The following GABRG3 variants were observed in gnomAD, a reference collection of about 807,000 sequenced individuals.
GABRG3 encodes gamma-aminobutyric acid receptor subunit gamma-3.
Under a neutral mutation model 48.8 loss-of-function variants are expected in GABRG3, and 25 were observed. The ratio of observed to expected loss-of-function variants is 0.51; its 90% CI spans 0.37 to 0.72. The LOEUF (loss-of-function observed/expected upper bound fraction) is 0.72. Ranked by LOEUF, GABRG3 falls within the 30% of genes least tolerant of loss-of-function variation. The pLI is 0.00. For synonymous variants in GABRG3, 227 were observed against 217.6 expected (o/e 1.04, Z -0.38); for missense variants, 394 against 577.9 (o/e 0.68, Z 3.26).
chr15:27,325,746 A>G (rs558706583), intron 3 of GABRG3, among the ~76,000 whole-genome samples: 12 of 152,312 alleles, frequency 7.9e-5, no homozygotes, highest in Non-Finnish European at 1.3e-4. Context: ...GAAATGATGA[A>G]TGAATGCATT....
rs1367545304 is a variant in GABRG3, at chr15:27,350,893, GTGTGTTTGTGTGTGTGTA to G, written c.574+22007_574+22024del. Among the ~76,000 whole-genome samples the G allele has an allele frequency of 6.7e-3, 788 of 116,988 alleles. 4 individuals are homozygous for G. Among genetic ancestry groups the G allele is most frequent in the African/African-American group, 0.023 (736 of 31,610 alleles). 76.7% of individuals were successfully genotyped at this position (116,988 alleles called of 152,430 possible). A position where few individuals can be genotyped will look rare whatever the true frequency, so the allele number is the denominator to read the frequency against. The stretch of plus-strand genomic sequence containing the variant: ...CTTGTGAATGGTGTGTGTGTGTCGT[GTGTGTTTGTGTGTGTGTA>G]TCATGTGTGTTTGTGTGTGTGTATC... On this transcript the variant is annotated intron_variant, in intron 5 of 9. Transcript: ENST00000615808.
intron 3 of GABRG3, among the ~76,000 whole-genome samples, chr15:27,310,971 G>A (rs544016283): frequency 1.3e-5 from 2 of 152,300 alleles, no homozygotes; most frequent in South Asian, 4.1e-4. Flanking sequence ...AATTGTAGTA[G>A]ATTATAGATT....
chr15:27,224,666 T>C (rs959556907), intron 3 of GABRG3, among the ~76,000 whole-genome samples: 4 of 152,238 alleles, frequency 2.6e-5, no homozygotes, highest in Admixed American at 6.5e-5. Flanking sequence ...TCACGACTTA[T>C]GATGAGAATG....
intron 3 of GABRG3, among the ~76,000 whole-genome samples, chr15:27,170,286 G>A (rs2140410155): frequency 6.6e-6 from 1 of 152,136 alleles, no homozygotes; most frequent in East Asian, 1.9e-4. Flanking sequence ...GACAAGAGAG[G>A]GAAAGTGAAA....
intron 5 of GABRG3, among the ~76,000 whole-genome samples, chr15:27,437,214 C>A (rs1888646229): frequency 6.6e-6 from 1 of 151,970 alleles, no homozygotes; most frequent in Non-Finnish European, 1.5e-5. Flanking sequence ...AAAACTCAAA[C>A]TTTAGAATGA....
intron 3 of GABRG3, among the ~76,000 whole-genome samples, chr15:27,203,204 A>G (rs1595583230): frequency 6.6e-6 from 1 of 152,138 alleles, no homozygotes; most frequent in East Asian, 1.9e-4. Flanking sequence ...TCCACCCTCC[A>G]CCTTCAAGTA....
chr15:27,306,459 C>T (rs1339704104), intron 3 of GABRG3, among the ~76,000 whole-genome samples: 1 of 138,762 alleles, frequency 7.2e-6, no homozygotes, highest in Non-Finnish European at 1.5e-5. Context: ...TACATATAAA[C>T]ATAAACATGT....
intron 2 of GABRG3, among the ~76,000 whole-genome samples, chr15:26,984,129 G>C (rs373922432): frequency 6.6e-6 from 1 of 152,076 alleles, no homozygotes; most frequent in Admixed American, 6.6e-5. Flanking sequence ...ACATTTTGAA[G>C]GCCTGTCTTG....
At position 26,974,351 on chromosome 15, in the gene GABRG3, G is replaced by A. The variant is rs1463447119; in HGVS notation, c.54-2651G>A. Reference sequence around the variant, plus strand: ...ATTAGGCTTATTACAATACCTGTAAGTAGCTGGAAGTAATTTTTAAAAACT... The same window carrying A: ...ATTAGGCTTATTACAATACCTGTAAATAGCTGGAAGTAATTTTTAAAAACT... On this transcript the variant is annotated intron_variant, in intron 1 of 9. Coordinates refer to ENST00000615808, the MANE Select transcript of GABRG3 (RefSeq NM_033223.5). The surrounding 1 kb of genome is among the most constrained non-coding windows in gnomAD (Gnocchi z 4.3). Among the ~76,000 whole-genome samples the A allele has an allele frequency of 1.3e-5, 2 of 152,196 alleles. No individual in the cohort carries two copies. Among genetic ancestry groups the A allele is most frequent in the African/African-American group, 4.8e-5 (2 of 41,446 alleles).
chr15:27,065,012 ACAT>A (rs1397734784), intron 3 of GABRG3, among the ~76,000 whole-genome samples: 1 of 152,182 alleles, frequency 6.6e-6, no homozygotes, highest in Non-Finnish European at 1.5e-5. Flanking sequence ...AAAGAGGCTG[ACAT>A]CATCATTTTT....
chr15:27,085,967 A>G (rs1396409291), intron 3 of GABRG3, among the ~76,000 whole-genome samples: 1 of 152,216 alleles, frequency 6.6e-6, no homozygotes, highest in African/African-American at 2.4e-5. Flanking sequence ...ATTTCATTGA[A>G]GAACTTAAAA....
At chr15:27,258,525 C>T (rs952025354) in intron 3 of GABRG3, among the ~76,000 whole-genome samples, 1 of 152,170 alleles carries the variant, frequency 6.6e-6, no homozygotes, top group Non-Finnish European at 1.5e-5. Flanking sequence ...TCGGGTTACA[C>T]TGCCAGCCTG....
intron 3 of GABRG3, among the ~76,000 whole-genome samples, chr15:27,053,246 T>C (rs903851618): frequency 6.6e-6 from 1 of 152,334 alleles, no homozygotes; most frequent in Non-Finnish European, 1.5e-5. Context: ...ACTATGCTTC[T>C]AATAGAGGCC....
chr15:27,252,301 T>G (rs1372147956), intron 3 of GABRG3, among the ~76,000 whole-genome samples: 1 of 152,126 alleles, frequency 6.6e-6, no homozygotes, highest in Admixed American at 6.5e-5. Flanking sequence ...TGGCCCCCGG[T>G]GTCTGGCTCC....
At chr15:27,456,745 G>A (rs1889294262) in intron 5 of GABRG3, among the ~76,000 whole-genome samples, 1 of 152,266 alleles carries the variant, frequency 6.6e-6, no homozygotes. Flanking sequence ...ACCGTCTCCT[G>A]GGTCTCAGAT....
chr15:27,452,700 T>C (rs567255297), intron 5 of GABRG3, among the ~76,000 whole-genome samples: 1 of 152,298 alleles, frequency 6.6e-6, no homozygotes, highest in South Asian at 2.1e-4. Flanking sequence ...AGAGGAAGGG[T>C]TGGTCTGGCT....
At chr15:27,410,065 A>G (rs1404375937) in intron 5 of GABRG3, among the ~76,000 whole-genome samples, 1 of 152,198 alleles carries the variant, frequency 6.6e-6, no homozygotes, top group African/African-American at 2.4e-5. Flanking sequence ...GAAATATTTT[A>G]TTTATAAAAC....
At chr15:27,374,307 A>AT (rs1306808918) in intron 5 of GABRG3, among the ~76,000 whole-genome samples, 2 of 151,210 alleles carry the variant, frequency 1.3e-5, no homozygotes, top group Admixed American at 1.3e-4. Context: ...TAATTTTTGT[A>AT]TTTTTTGTAG....
chr15:27,058,317 G>A (rs1331637137), intron 3 of GABRG3, among the ~76,000 whole-genome samples: 2 of 152,228 alleles, frequency 1.3e-5, no homozygotes, highest in Non-Finnish European at 2.9e-5. Context: ...TCTCCGCACA[G>A]CAGAGCTCAG....
Sources: allele counts gnomAD v4.1 joint callset (sites outside exome capture counted in the v4.1 genomes callset), GRCh38; gene constraint gnomAD v4.1.1; non-coding constraint Gnocchi (gnomAD v3.1); transcripts MANE v1.5; gene names NCBI Gene and HGNC (gene_info 2026-07-23, HGNC 2026-07-21).